BAZ2B: variants seen among roughly 807,000 people sequenced by gnomAD.
BAZ2B encodes the protein bromodomain adjacent to zinc finger domain protein 2B.
BAZ2B carries 91 observed loss-of-function variants against 246.0 expected under a neutral mutation model. The ratio of observed to expected loss-of-function variants is 0.37; its 90% CI spans 0.31 to 0.44. The LOEUF (loss-of-function observed/expected upper bound fraction) is 0.44, where lower values mean the gene tolerates loss of function less well. Ranked by LOEUF, BAZ2B falls within the 20% of genes least tolerant of loss-of-function variation. BAZ2B has a pLI of 1.00. For missense variants in BAZ2B, 2,332 were observed against 2,533.7 expected, an observed-to-expected ratio of 0.92 and a Z score of 1.71; for synonymous variants, 855 against 860.0, an observed-to-expected ratio of 0.99 and a Z score of 0.10.
At chr2:159,389,562 C>A (rs2063079661) in intron 20 of BAZ2B, 77 bp from the exon 21 acceptor site, 1 of 1,263,762 alleles carries the variant, frequency 7.9e-7, no homozygotes, top group Non-Finnish European at 1.0e-6. Flanking sequence ...TATGTAGCAA[C>A]ATTGAATTAT....
chr2:159,602,524 G>C (rs1193109283), intron 1 of BAZ2B, among the ~76,000 whole-genome samples: 2 of 152,072 alleles, frequency 1.3e-5, no homozygotes, highest in Non-Finnish European at 2.9e-5. Flanking sequence ...TATGCTGTAG[G>C]AAGTTATTTA....
the BAZ2B span, among the ~76,000 whole-genome samples, chr2:159,623,983 A>G: frequency 1.3e-5 from 2 of 152,344 alleles, no homozygotes; most frequent in Admixed American, 1.3e-4. Flanking sequence ...TCTGAAGTCA[A>G]CCTGGGACAC....
chr2:159,583,464 T>A (rs1478465074), intron 1 of BAZ2B, among the ~76,000 whole-genome samples: 4 of 152,212 alleles, frequency 2.6e-5, no homozygotes, highest in Non-Finnish European at 5.9e-5. Context: ...AAGTCATGTA[T>A]GTTTACCGCT....
intron 19 of BAZ2B, chr2:159,396,580 T>TA (rs1291719630): frequency 2.0e-5 from 3 of 152,258 alleles, no homozygotes; most frequent in African/African-American, 7.2e-5. Flanking sequence ...ACTTTTAAAA[T>TA]AAAAAAATCA....
At chr2:159,426,059 G>A (rs984694296) in intron 13 of BAZ2B, among the ~76,000 whole-genome samples, 5 of 152,212 alleles carry the variant, frequency 3.3e-5, no homozygotes, top group East Asian at 1.9e-4. Flanking sequence ...TCAAAATTAC[G>A]AATGTTTTCC....
intron 2 of BAZ2B, among the ~76,000 whole-genome samples, chr2:159,480,682 G>T (rs2079134958): frequency 6.6e-6 from 1 of 151,906 alleles, no homozygotes; most frequent in Admixed American, 6.6e-5. Flanking sequence ...TTTAAAACTG[G>T]CAATGAGAGT....
intron 2 of BAZ2B, among the ~76,000 whole-genome samples, chr2:159,480,178 AG>A (rs2150943818): frequency 6.6e-6 from 1 of 152,210 alleles, no homozygotes; most frequent in South Asian, 2.1e-4. Context: ...TTTAGGAAAA[AG>A]CTATTTTTTC....
chr2:159,480,618 T>C (rs1273271852), intron 2 of BAZ2B, among the ~76,000 whole-genome samples: 1 of 152,008 alleles, frequency 6.6e-6, no homozygotes, highest in African/African-American at 2.4e-5. Context: ...AAAGTATCAT[T>C]AGGTAAAGTG....
At chr2:159,521,740 C>T (rs564276978) in intron 2 of BAZ2B, among the ~76,000 whole-genome samples, 1 of 151,980 alleles carries the variant, frequency 6.6e-6, no homozygotes, top group African/African-American at 2.4e-5. Flanking sequence ...CTGCTTCTAT[C>T]AGCACTATTA....
intron 3 of BAZ2B, among the ~76,000 whole-genome samples, chr2:159,456,607 C>T (rs1461512826): frequency 1.3e-5 from 2 of 152,076 alleles, no homozygotes; most frequent in Non-Finnish European, 2.9e-5. Flanking sequence ...TAGATCTGTA[C>T]ACAAGAATGA....
At chr2:159,620,340 C>A (rs1696379751), upstream of BAZ2B, among the ~76,000 whole-genome samples, 1 of 152,168 alleles carries the variant, frequency 6.6e-6, no homozygotes, top group African/African-American at 2.4e-5. Flanking sequence ...TGTTTTCATT[C>A]ATTGAACAAA....
chr2:159,552,174 T>C (rs965385469), intron 2 of BAZ2B, among the ~76,000 whole-genome samples: 3 of 152,204 alleles, frequency 2.0e-5, no homozygotes, highest in African/African-American at 7.2e-5. Context: ...TTTTTTAAGA[T>C]GTTGCCATTC....
the BAZ2B span, among the ~76,000 whole-genome samples, chr2:159,635,670 G>A: frequency 6.6e-6 from 1 of 150,550 alleles, no homozygotes; most frequent in Non-Finnish European, 1.5e-5. Flanking sequence ...TTGTTATAGT[G>A]CATATTTTTA....
At chr2:159,682,645 G>T in the BAZ2B span, among the ~76,000 whole-genome samples, 4 of 152,202 alleles carry the variant, frequency 2.6e-5, no homozygotes, top group Non-Finnish European at 5.9e-5. Context: ...AAATAGCACA[G>T]CCAACTATGT....
chr2:159,468,167 G>A (rs1206463981), intron 3 of BAZ2B, among the ~76,000 whole-genome samples: 1 of 152,182 alleles, frequency 6.6e-6, no homozygotes, highest in Non-Finnish European at 1.5e-5. Context: ...GCTGTATATA[G>A]CAGATCTGCT....
At chr2:159,585,672 CTTAA>C (rs1267129794) in intron 1 of BAZ2B, among the ~76,000 whole-genome samples, 2 of 152,318 alleles carry the variant, frequency 1.3e-5, no homozygotes, top group East Asian at 1.9e-4. Context: ...CTACTTTCTC[CTTAA>C]TTGTCTATTT....
At chr2:159,557,058 C>T (rs554358205) in intron 1 of BAZ2B, among the ~76,000 whole-genome samples, 2 of 151,768 alleles carry the variant, frequency 1.3e-5, no homozygotes, top group Admixed American at 1.3e-4. Context: ...AACTACTCTT[C>T]GTCACTCTAT....
At chr2:159,656,014 C>T in the BAZ2B span, among the ~76,000 whole-genome samples, 1 of 151,986 alleles carries the variant, frequency 6.6e-6, no homozygotes, top group Admixed American at 6.6e-5. Context: ...CTCATCTTTG[C>T]ATATCTAGTA....
At chr2:159,371,461 G>T (rs1478649206) in intron 27 of BAZ2B, among the ~76,000 whole-genome samples, 1 of 152,110 alleles carries the variant, frequency 6.6e-6, no homozygotes, top group African/African-American at 2.4e-5. Flanking sequence ...TTTCTATTGG[G>T]AAATAAGCCA....
Sources: allele counts gnomAD v4.1 joint callset (sites outside exome capture counted in the v4.1 genomes callset), GRCh38; gene constraint gnomAD v4.1.1; transcripts MANE v1.5; gene names NCBI Gene and HGNC (gene_info 2026-07-23, HGNC 2026-07-21).